The following RASGRP3 variants were observed in gnomAD, a reference collection of about 807,000 sequenced individuals.
RASGRP3 encodes the protein RAS guanyl releasing protein 3, also known as ras guanyl-releasing protein 3.
Under a neutral mutation model 82.7 loss-of-function variants are expected in RASGRP3, and 54 were observed. That is an observed-to-expected ratio of 0.65 (90% CI 0.52 to 0.82). The LOEUF is 0.82. Among genes scored for constraint, RASGRP3 ranks in the 40% least tolerant of loss-of-function variants. The probability of loss-of-function intolerance (pLI) is 0.00; values close to 1 mark genes in which losing one functional copy is unlikely to be tolerated. For synonymous variants in RASGRP3, 309 were observed against 300.5 expected (o/e 1.03, Z -0.29); for missense variants, 861 against 828.9 (o/e 1.04, Z -0.48).
intron 2 of RASGRP3, among the ~76,000 whole-genome samples, chr2:33,448,103 A>G (rs528244523): frequency 7.2e-5 from 11 of 152,200 alleles, no homozygotes; most frequent in Non-Finnish European, 1.6e-4. Context: ...TCATTTGATG[A>G]TGAAGCTGTC....
intron 14 of RASGRP3, among the ~76,000 whole-genome samples, chr2:33,553,070 C>T (rs1675526739): frequency 6.6e-6 from 1 of 151,478 alleles, no homozygotes; most frequent in African/African-American, 2.4e-5. Context: ...CCCACCCCCA[C>T]CCCCAGCACC....
upstream of RASGRP3, among the ~76,000 whole-genome samples, chr2:33,472,519 G>A (rs1375863126): frequency 6.6e-6 from 1 of 152,208 alleles, no homozygotes; most frequent in African/African-American, 2.4e-5. Flanking sequence ...GGCGGTAAGA[G>A]TGCAAGATGA....
chr2:33,437,977 C>A (rs11902602), intron 1 of RASGRP3, among the ~76,000 whole-genome samples: 148,142 of 152,312 alleles, frequency 0.97, 72,187 homozygotes, highest in Middle Eastern at 1. Context: ...ACAGAGTGGA[C>A]TCTAAGGTGA....
At position 33,500,936 on chromosome 2, in the gene RASGRP3, AAAAT is replaced by A. The variant is rs201756423; in HGVS notation, c.-260-10762_-260-10759del. Among the ~76,000 whole-genome samples, 882 of 152,332 alleles carry A rather than the reference AAAAT, an allele frequency of 5.8e-3. 8 individuals are homozygous for A. The highest frequency in any genetic ancestry group is 0.019 in the African/African-American group (787 of 41,576). On this transcript the variant is annotated intron_variant, in intron 1 of 17. Coordinates refer to ENST00000403687, the MANE Select transcript of RASGRP3 (RefSeq NM_001139488.2). ...CAACGGAGCAAGACTCCGTCTCAAA[AAAAT>A]AAATAAATAAAATAAAGTGCACAGT... is the stretch of plus-strand genomic sequence containing the variant.
At chr2:33,501,523 G>A (rs912889671) in intron 1 of RASGRP3, among the ~76,000 whole-genome samples, 1 of 152,214 alleles carries the variant, frequency 6.6e-6, no homozygotes, top group Non-Finnish European at 1.5e-5. Flanking sequence ...AGCGATGGAT[G>A]AGGGTGAGAT....
At chr2:33,547,679 T>G (rs1281952654) in intron 13 of RASGRP3, among the ~76,000 whole-genome samples, 1 of 152,116 alleles carries the variant, frequency 6.6e-6, no homozygotes, top group Non-Finnish European at 1.5e-5. Context: ...AGCCCCACTG[T>G]AAGCTGGAGT....
intron 13 of RASGRP3, among the ~76,000 whole-genome samples, chr2:33,548,776 G>C (rs1040797459): frequency 2.0e-5 from 3 of 151,428 alleles, no homozygotes; most frequent in Admixed American, 6.6e-5. Flanking sequence ...GTGTGATCTC[G>C]GCTCACTGCA....
intron 14 of RASGRP3, among the ~76,000 whole-genome samples, chr2:33,553,863 T>C (rs1230713760): frequency 1.3e-5 from 2 of 152,114 alleles, no homozygotes; most frequent in African/African-American, 4.8e-5. Context: ...CTCAGTCTCC[T>C]GAATAGCTGG....
intron 14 of RASGRP3, among the ~76,000 whole-genome samples, chr2:33,551,068 T>C (rs1675311208): frequency 1.3e-5 from 2 of 152,156 alleles, no homozygotes; most frequent in Non-Finnish European, 2.9e-5. Flanking sequence ...ATCCCAGAAA[T>C]TTGGAAGGCC....
At chr2:33,493,571 A>C (rs576643069) in intron 1 of RASGRP3, among the ~76,000 whole-genome samples, 1 of 150,452 alleles carries the variant, frequency 6.6e-6, no homozygotes, top group Non-Finnish European at 1.5e-5. Context: ...CCAGAGAACC[A>C]ATGGTTTGTG....
intron 1 of RASGRP3, among the ~76,000 whole-genome samples, chr2:33,483,102 T>C (rs1185277552): frequency 6.6e-6 from 1 of 152,076 alleles, no homozygotes; most frequent in Non-Finnish European, 1.5e-5. Flanking sequence ...GTCTATAGAA[T>C]GTAGGGTAAT....
intron 14 of RASGRP3, among the ~76,000 whole-genome samples, chr2:33,554,658 A>C (rs1181077704): frequency 6.6e-6 from 1 of 152,130 alleles, no homozygotes; most frequent in African/African-American, 2.4e-5. Flanking sequence ...TATTTTTAGT[A>C]GAGACGGGGT....
intron 14 of RASGRP3, among the ~76,000 whole-genome samples, chr2:33,552,793 T>C (rs973210965): frequency 6.6e-6 from 1 of 152,154 alleles, no homozygotes; most frequent in Admixed American, 6.5e-5. Context: ...GTTAAGTGAC[T>C]TCCCCCAAGG....
At chr2:33,519,665 T>C (rs1378174060) in intron 4 of RASGRP3, among the ~76,000 whole-genome samples, 1 of 152,210 alleles carries the variant, frequency 6.6e-6, no homozygotes, top group Non-Finnish European at 1.5e-5. Flanking sequence ...TGCCAGACTA[T>C]TTGTAATTAC....
chr2:33,508,861 C>T (rs560602724), intron 1 of RASGRP3, among the ~76,000 whole-genome samples: 111 of 152,268 alleles, frequency 7.3e-4, no homozygotes, highest in African/African-American at 2.6e-3. Context: ...TGTCATGTTT[C>T]TAAAATTACT....
chr2:33,472,035 AT>A (rs1311317240), upstream of RASGRP3, among the ~76,000 whole-genome samples: 568 of 151,252 alleles, frequency 3.8e-3, 6 homozygotes, highest in African/African-American at 0.013. Flanking sequence ...ATTACTTACA[AT>A]TTTTTTTTGG....
intron 11 of RASGRP3, 97 bp from the exon 12 acceptor site, chr2:33,538,997 C>G (rs1393579465): frequency 1.2e-6 from 1 of 814,794 alleles, no homozygotes; most frequent in Non-Finnish European, 2.0e-6. Context: ...CGAAATTACA[C>G]CACTGCACTC....
At chr2:33,560,178 G>T (rs1177329996) in intron 17 of RASGRP3, among the ~76,000 whole-genome samples, 1 of 152,024 alleles carries the variant, frequency 6.6e-6, no homozygotes, top group African/African-American at 2.4e-5. Context: ...TCTAATTTTA[G>T]AACATTTTCA....
At chr2:33,546,440 A>G (rs1334788712) in intron 13 of RASGRP3, among the ~76,000 whole-genome samples, 31 of 151,240 alleles carry the variant, frequency 2.0e-4, no homozygotes, top group Middle Eastern at 3.5e-3. Context: ...AAAAAAAAAG[A>G]AAGTCAAAAA....
Sources: allele counts gnomAD v4.1 joint callset (sites outside exome capture counted in the v4.1 genomes callset), GRCh38; gene constraint gnomAD v4.1.1; transcripts MANE v1.5; gene names NCBI Gene and HGNC (gene_info 2026-07-23, HGNC 2026-07-21).